The following RACGAP1 variants were observed in gnomAD, a reference collection of about 807,000 sequenced individuals.
The protein encoded by RACGAP1 is Rac GTPase activating protein 1.
In RACGAP1, 30 loss-of-function variants were observed where a neutral mutation model predicts 78.1. That is an observed-to-expected ratio of 0.38 (90% confidence interval 0.29 to 0.52). RACGAP1 has a LOEUF of 0.52. RACGAP1 is among the 20% of genes least tolerant of loss of function. The probability of loss-of-function intolerance (pLI) is 0.82; values close to 1 mark genes in which losing one functional copy is unlikely to be tolerated. For missense variants in RACGAP1, 587 were observed against 777.1 expected, an observed-to-expected ratio of 0.76 and a Z score of 2.91; for synonymous variants, 231 against 264.8, an observed-to-expected ratio of 0.87 and a Z score of 1.24.
At chr12:50,010,052 A>G (rs1046159225) in intron 2 of RACGAP1, among the ~76,000 whole-genome samples, 2 of 152,236 alleles carry the variant, frequency 1.3e-5, no homozygotes, top group African/African-American at 4.8e-5. Context: ...ATTATTTCCT[A>G]CTATGCATAG....
chr12:50,024,687 ATACT>A (rs1366437331), intron 1 of RACGAP1, among the ~76,000 whole-genome samples: 2 of 152,108 alleles, frequency 1.3e-5, no homozygotes, highest in African/African-American at 4.8e-5. Flanking sequence ...CAAAAGATAA[ATACT>A]TATTGAATGA....
intron 2 of RACGAP1, among the ~76,000 whole-genome samples, chr12:50,014,282 G>C (rs57045365): frequency 0.094 from 14,333 of 152,226 alleles, 780 homozygotes; most frequent in South Asian, 0.15. Flanking sequence ...AGCTGGTATA[G>C]AATAATTCCC....
intron 10 of RACGAP1, among the ~76,000 whole-genome samples, chr12:49,994,868 T>G (rs940008132): frequency 5.9e-5 from 9 of 152,202 alleles, no homozygotes; most frequent in African/African-American, 2.2e-4. Context: ...TAAAATAATT[T>G]ATTACTCTAA....
intron 1 of RACGAP1, chr12:50,018,517 C>T: frequency 7.8e-7 from 1 of 1,284,556 alleles, no homozygotes; most frequent in South Asian, 1.2e-5. Context: ...GCAACATACC[C>T]TAAGTGCTAC....
chr12:49,997,603 C>T (rs1371586953), intron 9 of RACGAP1, among the ~76,000 whole-genome samples: 3 of 147,076 alleles, frequency 2.0e-5, no homozygotes, highest in Non-Finnish European at 4.5e-5. Context: ...GACAGAGTTT[C>T]GCTCTTGTTG....
intron 1 of RACGAP1, among the ~76,000 whole-genome samples, chr12:50,023,315 T>C (rs1310090986): frequency 2.6e-5 from 4 of 152,238 alleles, no homozygotes; most frequent in Non-Finnish European, 5.9e-5. Context: ...TTCAACAGTG[T>C]ATAGGCTTAC....
At chr12:50,031,333 G>C (rs1950331362) in intron 2 of RACGAP1, among the ~76,000 whole-genome samples, 1 of 151,092 alleles carries the variant, frequency 6.6e-6, no homozygotes, top group East Asian at 2.0e-4. Context: ...AAAAAAATTA[G>C]CCGGCCATTG....
intron 2 of RACGAP1, among the ~76,000 whole-genome samples, chr12:50,010,223 C>G (rs1429195340): frequency 6.6e-6 from 1 of 151,466 alleles, no homozygotes; most frequent in Non-Finnish European, 1.5e-5. Context: ...CTGGAGAAAA[C>G]AAGACAACAA....
At chr12:49,990,582 A>T in intron 16 of RACGAP1, 102 bp downstream of exon 16, 2 of 976,308 alleles carry the variant, frequency 2.0e-6, no homozygotes, top group Non-Finnish European at 3.1e-6. Flanking sequence ...TCTAGTTGCT[A>T]GCTAAAATCG....
At chr12:49,999,401 T>G in intron 8 of RACGAP1, 130 bp from the exon 9 acceptor site, 1 of 1,240,010 alleles carries the variant, frequency 8.1e-7, no homozygotes, top group Non-Finnish European at 1.1e-6. Context: ...AATGGCTATG[T>G]AAAAAAACAG....
chr12:50,025,593 T>A (rs766487898), upstream of RACGAP1: 11 of 962,512 alleles, frequency 1.1e-5, no homozygotes, highest in African/African-American at 1.2e-4. Flanking sequence ...GGAACGGGAA[T>A]GAGCATGCGC....
chr12:49,994,556 C>T (rs1194188258), intron 10 of RACGAP1, 47 bp from the exon 11 acceptor site: 2 of 1,588,708 alleles, frequency 1.3e-6, no homozygotes, highest in Non-Finnish European at 1.7e-6. Context: ...CCATGTAGAC[C>T]AACAGATGAA....
At position 50,005,389 on chromosome 12, in the gene RACGAP1, G is replaced by A. The variant is rs142919132; in HGVS notation, c.292C>T (p.Arg98Ter). The A allele has an allele frequency of 3.1e-6, 5 of 1,613,984 alleles. No individual in the cohort carries two copies. The South Asian group carries it at 3.3e-5, about 11-fold the overall frequency. The stretch of plus-strand genomic sequence containing the variant: ...ATCTCTCGAATCAGCTGAATCTGTC[G>A]TTCCTACAGACCAAAGCAAAGTAAA... ...RAEADCEKLERQIQLIREMLM... is the reference protein window; with the variant it reads ...RAEADCEKLE Residue 98 changes from arginine (R) to a stop codon, truncating the protein, a stop_gained, in exon 4 of 17, where the codon CGA (arginine) becomes TGA (stop). Coordinates refer to ENST00000312377, the MANE Select transcript of RACGAP1 (RefSeq NM_001319999.2). LOFTEE classifies it high-confidence loss of function.
In RACGAP1 at chr12:50,004,220, T is replaced by C. The variant is rs771469647; in HGVS notation, c.495+15A>G. 1.9e-6 allele frequency: 3 copies of C among 1,595,956 alleles called. No homozygotes were observed. The highest frequency in any genetic ancestry group is 1.1e-5 in the South Asian group (1 of 90,068). ...AAGAAAAGTAGGTAATTCTCAGAGA[T>C]CAAATGTTTATTACCAGTGATTCAT... On this transcript the variant is annotated intron_variant, in intron 5 of 16. Transcript: ENST00000312377.
intron 1 of RACGAP1, among the ~76,000 whole-genome samples, chr12:50,022,371 T>C (rs1016318207): frequency 3.3e-5 from 5 of 152,174 alleles, no homozygotes; most frequent in Admixed American, 2.6e-4. Context: ...TGACCTTAGG[T>C]CGGCAGTTTG....
At chr12:50,017,892 C>T (rs956488475) in intron 1 of RACGAP1, among the ~76,000 whole-genome samples, 1 of 152,206 alleles carries the variant, frequency 6.6e-6, no homozygotes, top group African/African-American at 2.4e-5. Flanking sequence ...CACGGCAGCT[C>T]ACGCCTGTAA....
rs920535272 is a variant in RACGAP1 at position 49,994,441 on chromosome 12, A to G, written c.1113T>C (p.Asn371=). The change falls in exon 11 of 17, where the codon AAT becomes AAC. Residue 371 remains asparagine (N), a synonymous_variant. Transcript: ENST00000312377. ...CAGTCAGACCTCTTTGCTCAATCTCATTTACACAATGCACAACAATGGAGG... is the reference window on the plus strand; with the variant it reads ...CAGTCAGACCTCTTTGCTCAATCTCGTTTACACAATGCACAACAATGGAGG... ...MIPSIVVHCV[N]EIEQRGLTET... 36 of 1,614,100 alleles carry G rather than the reference A, an allele frequency of 2.2e-5. No homozygotes were observed. The highest frequency in any genetic ancestry group is 3.0e-5 in the Non-Finnish European group (35 of 1,180,008).
Position 50,007,241 on chromosome 12 carries a change from G to GT in RACGAP1, c.86-606dup, listed in dbSNP as rs1466366939. ...CCCTGAAGGGTATGTAAACATTCCA[G>GT]TTGAAAAAAAAAAAAACAGGAAGAG... On this transcript the variant is annotated intron_variant, in intron 2 of 16. Transcript: ENST00000312377. Among the ~76,000 whole-genome samples, 11 of 148,978 alleles carry GT rather than the reference G, an allele frequency of 7.4e-5. No homozygotes were observed. The East Asian group carries it at 2.2e-3, about 29-fold the overall frequency.
At chr12:49,998,163 G>A (rs1402323795) in intron 9 of RACGAP1, among the ~76,000 whole-genome samples, 1 of 152,088 alleles carries the variant, frequency 6.6e-6, no homozygotes, top group Non-Finnish European at 1.5e-5. Context: ...AGCACTTTGG[G>A]AGGCTGAGGC....
Sources: gnomAD v4.1 joint callset for allele counts (sites outside exome capture counted in the v4.1 genomes callset) on GRCh38, gnomAD v4.1.1 for gene constraint, MANE v1.5 for transcripts, NCBI Gene and HGNC (gene_info 2026-07-23, HGNC 2026-07-21) for gene names.